PSMC1: variants seen among roughly 807,000 people sequenced by gnomAD.
PSMC1 encodes the protein proteasome 26S subunit, ATPase 1.
A neutral mutation model predicts 49.8 loss-of-function variants in PSMC1; 5 were observed. The observed-to-expected ratio is 0.10, with a 90% CI of 0.05 to 0.21. The LOEUF (loss-of-function observed/expected upper bound fraction) is 0.21, where lower values mean the gene tolerates loss of function less well. PSMC1 is among the 10% of genes least tolerant of loss of function. PSMC1 has a pLI of 1.00. For synonymous variants in PSMC1, 155 were observed against 192.1 expected, an observed-to-expected ratio of 0.81 and a Z score of 1.60; for missense variants, 181 against 535.7, an observed-to-expected ratio of 0.34 and a Z score of 6.54.
chr14:90,270,513 A>C (rs1891633664), intron 10 of PSMC1, 161 bp downstream of exon 10: 2 of 766,370 alleles, frequency 2.6e-6, no homozygotes, highest in Non-Finnish European at 3.9e-6. Context: ...TATGTGCTTG[A>C]TATTGAAGTC....
At position 90,256,589 on chromosome 14, in the gene PSMC1, C is replaced by G. The variant is rs763864347; in HGVS notation, c.-9C>G. ...TTCCGGCAGCGGCAGCTCAAGTGGC[C>G]AAGGCAAGATGGTGAGTGACTAAGG... On this transcript the variant is annotated 5_prime_UTR_variant, in exon 1 of 11. Coordinates refer to ENST00000261303, the MANE Select transcript of PSMC1 (RefSeq NM_002802.3). 1.3e-6 allele frequency: 2 copies of G among 1,588,978 alleles called. No individual in the cohort carries two copies. Among genetic ancestry groups the G allele is most frequent in the African/African-American group, 2.7e-5 (2 of 74,616 alleles).
intron 1 of PSMC1, 90 bp from the exon 2 acceptor site, chr14:90,259,070 C>A: frequency 8.5e-7 from 1 of 1,169,782 alleles, no homozygotes; most frequent in Non-Finnish European, 1.2e-6. Flanking sequence ...ACTCACAGGA[C>A]ATGTTATAGA....
At chr14:90,259,715 G>T (rs146207750) in intron 2 of PSMC1, among the ~76,000 whole-genome samples, 2 of 152,158 alleles carry the variant, frequency 1.3e-5, no homozygotes, top group Admixed American at 1.3e-4. Flanking sequence ...TCCGCCTCCT[G>T]GGTTCAAGCA....
At chr14:90,265,240 C>G in intron 7 of PSMC1, 74 bp downstream of exon 7, 1 of 1,031,244 alleles carries the variant, frequency 9.7e-7, no homozygotes, top group South Asian at 1.3e-5. Flanking sequence ...GTTATAATTA[C>G]TGAACTAATA....
In PSMC1 at chr14:90,259,198, CAAG is replaced by C; in HGVS notation, c.46_48del (p.Lys16del). 1 of 1,613,632 alleles carries C rather than the reference CAAG, an allele frequency of 6.2e-7. No homozygotes were observed. Among genetic ancestry groups the C allele is most frequent in the Non-Finnish European group, 8.5e-7 (1 of 1,179,758 alleles). ...GTGGTGGTCATGGTCCTGGAGGTGG[CAAG>C]AAGGATGACAAGGTAAATATGCCAG... On this transcript the variant is annotated inframe_deletion, in exon 2 of 11. Transcript: ENST00000261303.
chr14:90,258,401 G>C (rs1278891464), intron 1 of PSMC1, among the ~76,000 whole-genome samples: 1 of 152,220 alleles, frequency 6.6e-6, no homozygotes, highest in Admixed American at 6.5e-5. Flanking sequence ...AAGTGCCTGT[G>C]TGGAGCTGAT....
intron 8 of PSMC1, chr14:90,269,183 G>T: frequency 1.8e-6 from 1 of 544,294 alleles, no homozygotes; most frequent in Non-Finnish European, 3.3e-6. Flanking sequence ...ACACAGTAGG[G>T]ATTAAGTTTC....
At chr14:90,267,880 C>A in intron 7 of PSMC1, 1 of 195,326 alleles carries the variant, frequency 5.1e-6, no homozygotes, top group Non-Finnish European at 1.0e-5. Flanking sequence ...AGATTTATTT[C>A]ATTACTGGAA....
At chr14:90,267,133 CTT>C (rs530748596) in intron 7 of PSMC1, among the ~76,000 whole-genome samples, 14 of 142,976 alleles carry the variant, frequency 9.8e-5, no homozygotes, top group African/African-American at 7.7e-5. Flanking sequence ...TTTTTCTTTT[CTT>C]TTTTTTTTTT....
intron 8 of PSMC1, 173 bp downstream of exon 8, chr14:90,268,586 G>GT (rs1891578995): frequency 3.2e-6 from 2 of 634,392 alleles, no homozygotes; most frequent in East Asian, 5.5e-5. Context: ...CAACTGCCCA[G>GT]TAACTGTGAA....
At chr14:90,271,892 ATTT>A (rs58641715) in intron 10 of PSMC1, 8 of 140,126 alleles carry the variant, frequency 5.7e-5, no homozygotes, top group Non-Finnish European at 1.1e-4. Context: ...TTCAGAACAG[ATTT>A]TTTTTTTTTT....
chr14:90,270,004 A>T, intron 9 of PSMC1, 194 bp from the exon 10 acceptor site: 1 of 585,232 alleles, frequency 1.7e-6, no homozygotes. Flanking sequence ...AGTTTCTTTT[A>T]AATGAAGAGA....
At position 90,265,065 on chromosome 14, in the gene PSMC1, C is replaced by A; in HGVS notation, c.595-5C>A. 5 of 1,598,524 alleles carry A rather than the reference C, an allele frequency of 3.1e-6. No individual in the cohort carries two copies. The highest frequency in any genetic ancestry group is 3.4e-6 in the Non-Finnish European group (4 of 1,167,156). ...AAAGCCTTTCATTCATACTGTTTTT[C>A]ATAGGAATCTGTGGAGCTTCCTCTC... On this transcript the variant is annotated splice_polypyrimidine_tract_variant and splice_region_variant and intron_variant, in intron 6 of 10. Coordinates refer to ENST00000261303, the MANE Select transcript of PSMC1 (RefSeq NM_002802.3).
Position 90,273,445 on chromosome 14 carries a change from C to G in PSMC1, c.*1038C>G, listed in dbSNP as rs1431313919. The G allele has an allele frequency of 1.3e-5, 2 of 152,334 alleles. No individual in the cohort carries two copies. Among genetic ancestry groups the G allele is most frequent in the South Asian group, 4.1e-4 (2 of 4,822 alleles). The allele number at this position is 152,334 out of a possible 1,614,324, so 9.4% of individuals were successfully genotyped here. ...TGGTGGCAGGTGCCTGTAGTCCCAGCTACTCAGGAGGCTGAGGCAGGACAA... is the reference window on the plus strand; with the variant it reads ...TGGTGGCAGGTGCCTGTAGTCCCAGGTACTCAGGAGGCTGAGGCAGGACAA... On this transcript the variant is annotated 3_prime_UTR_variant, in exon 11 of 11. Transcript: ENST00000261303.
intron 8 of PSMC1, 136 bp downstream of exon 8, chr14:90,268,549 G>C (rs1055641169): frequency 7.5e-6 from 6 of 799,656 alleles, no homozygotes; most frequent in Non-Finnish European, 1.0e-5. Flanking sequence ...GCATGCTTTA[G>C]GCTCTGCTCT....
At chr14:90,259,439 G>A (rs1168562759) in intron 2 of PSMC1, among the ~76,000 whole-genome samples, 1 of 152,144 alleles carries the variant, frequency 6.6e-6, no homozygotes, top group Non-Finnish European at 1.5e-5. Flanking sequence ...TTGTGTAAAA[G>A]CAATGACATT....
intron 7 of PSMC1, among the ~76,000 whole-genome samples, chr14:90,266,090 T>A (rs980383858): frequency 6.6e-6 from 1 of 151,814 alleles, no homozygotes; most frequent in African/African-American, 2.4e-5. Context: ...ACCCCATCTC[T>A]ACTAAAAATA....
chr14:90,263,178 C>T lies in PSMC1; in HGVS notation c.155-140C>T, dbSNP rs140743287. The T allele has an allele frequency of 1.5e-3, 1,169 of 803,988 alleles. 10 individuals are homozygous for T. In the African/African-American group the frequency reaches 0.019, roughly 13 times the overall value. The allele number at this position is 803,988 out of a possible 1,614,324, so 49.8% of individuals were successfully genotyped here. A position where few individuals can be genotyped will look rare whatever the true frequency, so the allele number is the denominator to read the frequency against. ...CACACTCCCCTTTCCATTTTGGCAC[C>T]GGTTTACTTAGAGTTACCAAACTGA... is the stretch of plus-strand genomic sequence containing the variant. On this transcript the variant is annotated intron_variant, in intron 3 of 10. Transcript: ENST00000261303.
Position 90,256,577 on chromosome 14 carries a change from A to G in PSMC1, c.-21A>G, listed in dbSNP as rs199718567. On this transcript the variant is annotated 5_prime_UTR_variant, in exon 1 of 11. Transcript: ENST00000261303. ...TGGTGGAGGAACTTCCGGCAGCGGCAGCTCAAGTGGCCAAGGCAAGATGGT... is the reference window on the plus strand; with the variant it reads ...TGGTGGAGGAACTTCCGGCAGCGGCGGCTCAAGTGGCCAAGGCAAGATGGT... The G allele has an allele frequency of 6.3e-7, 1 of 1,585,960 alleles. No individual in the cohort carries two copies. Among genetic ancestry groups the G allele is most frequent in the East Asian group, 2.3e-5 (1 of 43,738 alleles).
Sources: allele counts gnomAD v4.1 joint callset (sites outside exome capture counted in the v4.1 genomes callset), GRCh38; gene constraint gnomAD v4.1.1; transcripts MANE v1.5; gene names NCBI Gene and HGNC (gene_info 2026-07-23, HGNC 2026-07-21).